EGF: variants seen among roughly 807,000 people sequenced by gnomAD.
EGF encodes epidermal growth factor.
In EGF, 95 loss-of-function variants were observed where a neutral mutation model predicts 143.8. That is an observed-to-expected ratio of 0.66 (90% CI 0.56 to 0.78). EGF has a LOEUF of 0.78. EGF is among the 30% of genes least tolerant of loss of function. The probability of loss-of-function intolerance (pLI) is 0.00; values close to 1 mark genes in which losing one functional copy is unlikely to be tolerated. For synonymous variants in EGF, 510 were observed against 510.5 expected, an observed-to-expected ratio of 1.00 and a Z score of 0.01; for missense variants, 1,320 against 1,470.9, an observed-to-expected ratio of 0.90 and a Z score of 1.68.
At chr4:109,920,441 T>A (rs1164735138) in intron 1 of EGF, among the ~76,000 whole-genome samples, 1 of 151,492 alleles carries the variant, frequency 6.6e-6, no homozygotes, top group Non-Finnish European at 1.5e-5. Flanking sequence ...TGGCCAGAGG[T>A]CGAGGAGAAC....
At chr4:109,936,483 C>CA (rs1284426795) in intron 1 of EGF, among the ~76,000 whole-genome samples, 1 of 151,696 alleles carries the variant, frequency 6.6e-6, no homozygotes, top group Non-Finnish European at 1.5e-5. Flanking sequence ...TTAATCTTTT[C>CA]AAAAAAACGA....
At chr4:109,994,514 T>C (rs1487904228) in intron 19 of EGF, among the ~76,000 whole-genome samples, 1 of 152,206 alleles carries the variant, frequency 6.6e-6, no homozygotes, top group African/African-American at 2.4e-5. Context: ...CAATATGCTT[T>C]ATGTATCAGA....
At chr4:109,973,356 T>G (rs969544390) in intron 11 of EGF, among the ~76,000 whole-genome samples, 1 of 152,162 alleles carries the variant, frequency 6.6e-6, no homozygotes. Context: ...CTTTAGAACT[T>G]GTATATGTAC....
intron 19 of EGF, 92 bp downstream of exon 19, chr4:109,993,461 A>G: frequency 1.3e-6 from 2 of 1,563,898 alleles, no homozygotes; most frequent in Non-Finnish European, 1.7e-6. Flanking sequence ...GATTCTAAAA[A>G]TCATTCAGTT....
chr4:109,968,761 C>T (rs938766269), intron 10 of EGF: 12 of 559,852 alleles, frequency 2.1e-5, no homozygotes, highest in Non-Finnish European at 3.1e-5. Context: ...CTTATTTTAC[C>T]GATGAGGAAA....
At chr4:109,953,178 C>T (rs568267872) in intron 5 of EGF, among the ~76,000 whole-genome samples, 2 of 152,236 alleles carry the variant, frequency 1.3e-5, no homozygotes, top group South Asian at 4.1e-4. Context: ...CCCTTTGTAC[C>T]ACATTAAAAG....
chr4:109,935,818 G>A (rs915354063), intron 1 of EGF, among the ~76,000 whole-genome samples: 14 of 152,212 alleles, frequency 9.2e-5, no homozygotes, highest in Admixed American at 5.2e-4. Flanking sequence ...GGTTTTTGTC[G>A]TTGGTTCTGT....
intron 1 of EGF, among the ~76,000 whole-genome samples, chr4:109,938,099 G>A (rs754503612): frequency 2.6e-5 from 4 of 152,152 alleles, no homozygotes; most frequent in Non-Finnish European, 2.9e-5. Context: ...ATAATATGCC[G>A]AAGAGTGTTT....
At chr4:109,975,176 A>G (rs1748294005) in intron 12 of EGF, among the ~76,000 whole-genome samples, 1 of 152,234 alleles carries the variant, frequency 6.6e-6, no homozygotes, top group Non-Finnish European at 1.5e-5. Context: ...GATATAGGTC[A>G]TTCCTAGATT....
intron 23 of EGF, 30 bp from the exon 24 acceptor site, chr4:110,011,172 A>G (rs181925220): frequency 6.2e-7 from 1 of 1,612,350 alleles, no homozygotes; most frequent in Admixed American, 1.7e-5. Flanking sequence ...AATGATATGA[A>G]TATTGAAATT....
At chr4:110,005,401 T>C (rs957982184) in intron 22 of EGF, among the ~76,000 whole-genome samples, 20 of 152,162 alleles carry the variant, frequency 1.3e-4, no homozygotes, top group African/African-American at 4.8e-4. Context: ...ATATTTCTTT[T>C]CTCACACACA....
chr4:109,950,299 C>A (rs1413260687), intron 5 of EGF, among the ~76,000 whole-genome samples: 1 of 152,162 alleles, frequency 6.6e-6, no homozygotes, highest in Non-Finnish European at 1.5e-5. Context: ...TACCGCATCT[C>A]CCAAAGCGGA....
At chr4:109,979,829 T>A (rs1382002330) in intron 13 of EGF, 143 bp from the exon 14 acceptor site, 2 of 878,110 alleles carry the variant, frequency 2.3e-6, no homozygotes, top group Non-Finnish European at 3.5e-6. Flanking sequence ...GGTGTGTGAG[T>A]CGGTGGCTCA....
chr4:109,975,648 C>T (rs535339828), intron 12 of EGF, among the ~76,000 whole-genome samples: 82 of 152,244 alleles, frequency 5.4e-4, no homozygotes, highest in Non-Finnish European at 1.0e-3. Flanking sequence ...GAAGAACAGG[C>T]GAGCAAGATT....
chr4:109,932,580 G>A (rs1739977532), intron 1 of EGF, among the ~76,000 whole-genome samples: 3 of 151,144 alleles, frequency 2.0e-5, no homozygotes, highest in South Asian at 4.2e-4. Context: ...GGGTTTCACC[G>A]TGTTAGCCAG....
rs564366024 is a variant in EGF at position 109,941,952 on chromosome 4, T to G, written c.327+807T>G. Among the ~76,000 whole-genome samples, 4 of 152,370 alleles carry G rather than the reference T, an allele frequency of 2.6e-5. No homozygotes were observed. In the East Asian group the frequency reaches 7.7e-4, roughly 29 times the overall value. ...AAAGAGCACATGACTAGAGAAACTT[T>G]AAGAGTTGATTCTCAATGCAAAGTC... On this transcript the variant is annotated intron_variant, in intron 2 of 23. Coordinates refer to ENST00000265171, the MANE Select transcript of EGF (RefSeq NM_001963.6).
chr4:109,945,100 T>C lies in EGF; in HGVS notation c.765T>C (p.Phe255=). The C allele has an allele frequency of 6.2e-7, 1 of 1,614,232 alleles. No homozygotes were observed. The highest frequency in any genetic ancestry group is 8.5e-7 in the Non-Finnish European group (1 of 1,180,038). ...TQHNLFAMSL[F]GDRIFYSTWK... ...ATAATTTGTTTGCAATGTCCCTTTT[T>C]GGTGACCGTATCTTCTATTCAACAT... Residue 255 remains phenylalanine (F), a synonymous_variant, in exon 5 of 24, where the codon TTT becomes TTC. Coordinates refer to ENST00000265171, the MANE Select transcript of EGF (RefSeq NM_001963.6).
chr4:109,953,694 GA>G (rs2126037018), intron 5 of EGF, among the ~76,000 whole-genome samples: 1 of 152,210 alleles, frequency 6.6e-6, no homozygotes, highest in Admixed American at 6.5e-5. Context: ...CCCTGACCTG[GA>G]GTTTCTAGTC....
At chr4:110,005,699 C>T (rs1753188400) in intron 22 of EGF, among the ~76,000 whole-genome samples, 1 of 152,156 alleles carries the variant, frequency 6.6e-6, no homozygotes, top group African/African-American at 2.4e-5. Context: ...AAGGGAATTT[C>T]CATTTCTAGA....
Sources: gnomAD v4.1 joint callset for allele counts (sites outside exome capture counted in the v4.1 genomes callset) on GRCh38, gnomAD v4.1.1 for gene constraint, MANE v1.5 for transcripts, NCBI Gene and HGNC (gene_info 2026-07-23, HGNC 2026-07-21) for gene names.